The following DNAH14 variants were observed in gnomAD, a reference collection of about 807,000 sequenced individuals.
DNAH14 encodes the protein dynein axonemal heavy chain 14.
Under a neutral mutation model 520.9 loss-of-function variants are expected in DNAH14, and 478 were observed. The ratio of observed to expected loss-of-function variants is 0.92; its 90% CI spans 0.85 to 0.99. The LOEUF (loss-of-function observed/expected upper bound fraction) is 0.99. Among genes scored for constraint, DNAH14 ranks in the 50% least tolerant of loss-of-function variants. DNAH14 has a pLI of 0.00. For missense variants in DNAH14, 4,831 were observed against 5,234.5 expected (o/e 0.92, Z 2.38); for synonymous variants, 1,581 against 1,757.2 (o/e 0.90, Z 2.51).
chr1:225,331,971 T>TC (rs2094807724), intron 65 of DNAH14, among the ~76,000 whole-genome samples: 1 of 150,678 alleles, frequency 6.6e-6, no homozygotes, highest in South Asian at 2.1e-4. Context: ...AATTCTCCCT[T>TC]TTTTTTTAAG....
rs776196332 is a variant in DNAH14 at position 225,368,035 on chromosome 1, AAGTGT to A, written c.12318+7_12318+11del. ...AATTTAATTCTTCAGACTTGGGGGT[AAGTGT>A]AGTCTCTTCAAACAAACAACAAATA... On this transcript the variant is annotated splice_donor_5th_base_variant and intron_variant, in intron 77 of 85. Transcript: ENST00000682510. 5.2e-6 allele frequency: 8 copies of A among 1,541,768 alleles called. No homozygotes were observed. In the East Asian group the frequency reaches 7.3e-5, roughly 14 times the overall value.
chr1:225,381,589 T>C lies in DNAH14; in HGVS notation c.13077+10T>C. The C allele has an allele frequency of 6.7e-7, 1 of 1,492,718 alleles. No individual in the cohort carries two copies. The highest frequency in any genetic ancestry group is 8.9e-7 in the Non-Finnish European group (1 of 1,118,586). 92.5% of individuals were successfully genotyped at this position (1,492,718 alleles called of 1,614,324 possible). ...GCCTACATTGTGGCAGGTAAGCAATTATTATTATTTCCTATTTTCTTGCTT... is the reference window on the plus strand; with the variant it reads ...GCCTACATTGTGGCAGGTAAGCAATCATTATTATTTCCTATTTTCTTGCTT... On this transcript the variant is annotated intron_variant, in intron 81 of 85. Coordinates refer to ENST00000682510, the MANE Select transcript of DNAH14 (RefSeq NM_001367479.1).
Position 225,240,686 on chromosome 1 carries a change from AG to A in DNAH14, c.6614del (p.Gly2205GlufsTer3). On this transcript the variant is annotated frameshift_variant, in exon 43 of 86. Transcript: ENST00000682510. LOFTEE classifies it high-confidence loss of function. ...TGTTTGCCTTTACTTGGGCATTTGGAGGAGCTTTAAACCGTGAAGATGAACA... is the reference window on the plus strand; with the variant it reads ...TGTTTGCCTTTACTTGGGCATTTGGAGAGCTTTAAACCGTGAAGATGAACA... Reference protein sequence around the residue: ...FVFAFTWAFGGALNREDEHRE... With the variant: ...FVFAFTWAFGXALNREDEHRE... The A allele has an allele frequency of 6.4e-7, 1 of 1,551,058 alleles. No homozygotes were observed. The highest frequency in any genetic ancestry group is 8.7e-7 in the Non-Finnish European group (1 of 1,146,598).
chr1:225,286,149 G>A lies in DNAH14; in HGVS notation c.8272-3736G>A, dbSNP rs183609580. On this transcript the variant is annotated intron_variant, in intron 54 of 85. Transcript: ENST00000682510. ...TAGAATTATGGGTATTAGAGGCCAG[G>A]AAGGGGAGAGGAGGGGAGAAAGGGA... 1.3e-3 allele frequency among the ~76,000 whole-genome samples: 199 copies of A among 152,322 alleles called. 1 individual carries two copies. The highest frequency in any genetic ancestry group is 2.6e-3 in the Admixed American group (40 of 15,302).
At chr1:225,397,033 A>C (rs2096020912) in intron 84 of DNAH14, 1 of 149,204 alleles carries the variant, frequency 6.7e-6, no homozygotes, top group Non-Finnish European at 1.5e-5. Flanking sequence ...TTTGAGATGG[A>C]GTCTTGCTCT....
chr1:225,370,562 T>G (rs1040209805), intron 77 of DNAH14, among the ~76,000 whole-genome samples: 2 of 151,528 alleles, frequency 1.3e-5, no homozygotes, highest in Non-Finnish European at 2.9e-5. Context: ...TCAAAAACAA[T>G]GGAAATGAGA....
chr1:225,290,910 T>C (rs1038530250), intron 55 of DNAH14, among the ~76,000 whole-genome samples: 3 of 151,648 alleles, frequency 2.0e-5, no homozygotes, highest in Admixed American at 1.3e-4. Flanking sequence ...TTTGACACTA[T>C]ATAATATATT....
chr1:224,941,880 G>T (rs2059443172), intron 1 of DNAH14, among the ~76,000 whole-genome samples: 1 of 152,104 alleles, frequency 6.6e-6, no homozygotes, highest in Non-Finnish European at 1.5e-5. Flanking sequence ...CTCTGTTTTG[G>T]TACCAGTAGC....
intron 77 of DNAH14, among the ~76,000 whole-genome samples, chr1:225,374,151 A>ATATATATATATATAT (rs2095657329): frequency 1.7e-5 from 1 of 58,386 alleles, no homozygotes; most frequent in Non-Finnish European, 3.6e-5. Flanking sequence ...CTTACTATAT[A>ATATATATATATATAT]TATATATATA....
intron 55 of DNAH14, among the ~76,000 whole-genome samples, chr1:225,291,891 C>CT (rs769355513): frequency 3.9e-5 from 6 of 151,960 alleles, no homozygotes; most frequent in Admixed American, 6.6e-5. Context: ...TATCTGTTCA[C>CT]ATCATTTGCC....
intron 21 of DNAH14, among the ~76,000 whole-genome samples, chr1:225,088,744 C>T (rs879517188): frequency 4.6e-5 from 7 of 152,016 alleles, no homozygotes; most frequent in Admixed American, 3.9e-4. Flanking sequence ...ATGACCAATA[C>T]TAGGAATAGA....
At chr1:224,997,611 T>G (rs1343247580) in intron 8 of DNAH14, among the ~76,000 whole-genome samples, 1 of 152,102 alleles carries the variant, frequency 6.6e-6, no homozygotes, top group Non-Finnish European at 1.5e-5. Flanking sequence ...ATTTTGCCCT[T>G]TTACTGATAT....
chr1:225,310,803 T>C (rs1456135864), intron 60 of DNAH14, among the ~76,000 whole-genome samples: 1 of 152,196 alleles, frequency 6.6e-6, no homozygotes, highest in Non-Finnish European at 1.5e-5. Context: ...CTGCATAGTA[T>C]TCCATGGTGT....
chr1:225,173,927 G>T (rs2083006314), intron 36 of DNAH14, among the ~76,000 whole-genome samples: 1 of 152,192 alleles, frequency 6.6e-6, no homozygotes, highest in Admixed American at 6.5e-5. Flanking sequence ...ATACTATGCA[G>T]GCATAAAAAA....
intron 49 of DNAH14, among the ~76,000 whole-genome samples, chr1:225,267,707 T>C (rs1480271778): frequency 6.6e-6 from 1 of 152,144 alleles, no homozygotes; most frequent in Non-Finnish European, 1.5e-5. Context: ...TTAAACTTTC[T>C]AGGCCTCAGA....
intron 31 of DNAH14, among the ~76,000 whole-genome samples, chr1:225,148,755 G>A (rs145332414): frequency 0.082 from 12,516 of 152,102 alleles, 1,664 homozygotes; most frequent in African/African-American, 0.28. Context: ...TTTGAAAAGT[G>A]TCCCTTCATG....
intron 60 of DNAH14, among the ~76,000 whole-genome samples, chr1:225,314,120 T>C (rs2094422552): frequency 6.6e-6 from 1 of 152,230 alleles, no homozygotes; most frequent in Non-Finnish European, 1.5e-5. Context: ...ATCTGGGTGC[T>C]CCTGTATTGG....
chr1:225,263,191 G>GAT (rs1053193818), intron 46 of DNAH14, among the ~76,000 whole-genome samples: 31 of 149,450 alleles, frequency 2.1e-4, no homozygotes, highest in African/African-American at 4.0e-4. Flanking sequence ...TACTATGCGA[G>GAT]ATATATATAT....
chr1:225,354,990 T>C (rs1474203359), intron 73 of DNAH14, among the ~76,000 whole-genome samples: 3 of 152,204 alleles, frequency 2.0e-5, no homozygotes, highest in African/African-American at 7.2e-5. Flanking sequence ...TTACAACTTT[T>C]CAGGTGCAAT....
Sources: gnomAD v4.1 joint callset for allele counts (sites outside exome capture counted in the v4.1 genomes callset) on GRCh38, gnomAD v4.1.1 for gene constraint, MANE v1.5 for transcripts, NCBI Gene and HGNC (gene_info 2026-07-23, HGNC 2026-07-21) for gene names.